Variants in EEF2K observed in about 807,000 individuals in gnomAD.
EEF2K encodes the protein alternative protein EEF2K.
EEF2K carries 70 observed loss-of-function variants against 93.8 expected under a neutral mutation model. That is an observed-to-expected ratio of 0.75 (90% CI 0.62 to 0.91). The LOEUF is 0.91. Ranked by LOEUF, EEF2K falls within the 40% of genes least tolerant of loss-of-function variation. The pLI is 0.00. For synonymous variants in EEF2K, 376 were observed against 380.8 expected, an observed-to-expected ratio of 0.99 and a Z score of 0.15; for missense variants, 935 against 972.9, an observed-to-expected ratio of 0.96 and a Z score of 0.52.
At chr16:22,270,865 G>C (rs1450666522) in intron 15 of EEF2K, among the ~76,000 whole-genome samples, 1 of 151,854 alleles carries the variant, frequency 6.6e-6, no homozygotes, top group African/African-American at 2.4e-5. Context: ...GGTTTGGTTG[G>C]AAGAGAGGAT....
intron 1 of EEF2K, among the ~76,000 whole-genome samples, chr16:22,222,890 T>TAGAG (rs949959648): frequency 6.6e-6 from 1 of 150,704 alleles, no homozygotes; most frequent in African/African-American, 2.5e-5. Flanking sequence ...CTCAGATAGA[T>TAGAG]AGATAGTACA....
At position 22,257,472 on chromosome 16, in the gene EEF2K, T is replaced by G. The variant is rs1339991734; in HGVS notation, c.901+87T>G. 5.1e-6 allele frequency: 8 copies of G among 1,570,218 alleles called. No homozygotes were observed. In the East Asian group the frequency reaches 1.3e-4, roughly 26 times the overall value. On this transcript the variant is annotated intron_variant, in intron 8 of 17. Transcript: ENST00000263026. Reference sequence around the variant, plus strand: ...TCTTCGTACAGCCAAGGAAACAGGCTGAGACACTGTACGCGCTTTTTCAAG... The same window carrying G: ...TCTTCGTACAGCCAAGGAAACAGGCGGAGACACTGTACGCGCTTTTTCAAG...
In EEF2K at chr16:22,285,551, TC is replaced by T. The variant is rs1275761318; in HGVS notation, c.*1558del. The T allele has an allele frequency of 6.6e-6, 1 of 152,172 alleles. No homozygotes were observed. The highest frequency in any genetic ancestry group is 1.5e-5 in the Non-Finnish European group (1 of 68,008). The allele number at this position is 152,172 out of a possible 1,614,324, so 9.4% of individuals were successfully genotyped here. A position where few individuals can be genotyped will look rare whatever the true frequency, so the allele number is the denominator to read the frequency against. ...TAGCAAAGATGCTAGGTGCGGTGGC[TC>T]CCGCCTGTAATCTCAGCACTTTGAG... On this transcript the variant is annotated 3_prime_UTR_variant, in exon 18 of 18. Transcript: ENST00000263026.
chr16:22,260,455 T>C lies in EEF2K; in HGVS notation c.1232-7T>C, dbSNP rs371677101. On this transcript the variant is annotated splice_polypyrimidine_tract_variant and splice_region_variant and intron_variant, in intron 10 of 17. Transcript: ENST00000263026. ...CCAGGACATGATGTCTGTTTCTCCC[T>C]GCCCAGATTGGCCAGTGTTCAGTGA... is the stretch of plus-strand genomic sequence containing the variant. 1.8e-5 allele frequency: 29 copies of C among 1,614,072 alleles called. No homozygotes were observed. The African/African-American group carries it at 3.7e-4, about 21-fold the overall frequency.
intron 15 of EEF2K, among the ~76,000 whole-genome samples, chr16:22,270,123 C>CA (rs920515854): frequency 1.4e-5 from 2 of 144,446 alleles, no homozygotes; most frequent in Non-Finnish European, 3.1e-5. Context: ...AACCCGGCTA[C>CA]TTTTTTTTTT....
intron 2 of EEF2K, among the ~76,000 whole-genome samples, chr16:22,228,619 A>G (rs906104464): frequency 6.6e-6 from 1 of 152,266 alleles, no homozygotes; most frequent in Non-Finnish European, 1.5e-5. Context: ...CACAGAAAGC[A>G]GGCTTGCTTA....
At chr16:22,242,775 A>G (rs1363290363) in intron 2 of EEF2K, among the ~76,000 whole-genome samples, 2 of 152,128 alleles carry the variant, frequency 1.3e-5, no homozygotes, top group Non-Finnish European at 2.9e-5. Context: ...AGATCTTGGA[A>G]CAGCTCATGG....
chr16:22,258,927 G>A (rs770909669), intron 10 of EEF2K: 1 of 480,490 alleles, frequency 2.1e-6, no homozygotes, highest in Non-Finnish European at 3.6e-6. Context: ...TGTGTTTTAT[G>A]AAACCAGCAA....
At chr16:22,232,143 C>A (rs2047122323) in intron 2 of EEF2K, among the ~76,000 whole-genome samples, 1 of 152,088 alleles carries the variant, frequency 6.6e-6, no homozygotes, top group Non-Finnish European at 1.5e-5. Context: ...CTTTTTCACA[C>A]CTCTGCCTTA....
At chr16:22,241,460 C>T (rs1342447760) in intron 2 of EEF2K, among the ~76,000 whole-genome samples, 1 of 151,854 alleles carries the variant, frequency 6.6e-6, no homozygotes, top group Non-Finnish European at 1.5e-5. Flanking sequence ...GCCTGGCCAA[C>T]ATGGTGAAAC....
intron 2 of EEF2K, among the ~76,000 whole-genome samples, chr16:22,232,688 T>A (rs2047127981): frequency 6.6e-6 from 1 of 152,090 alleles, no homozygotes; most frequent in Admixed American, 6.6e-5. Flanking sequence ...CGACCTCCAT[T>A]CCCTTGGTCC....
At chr16:22,251,380 G>A (rs2047350580) in intron 6 of EEF2K, 58 bp downstream of exon 6, 2 of 1,579,992 alleles carry the variant, frequency 1.3e-6, no homozygotes, top group East Asian at 2.3e-5. Context: ...CACAGTGTCT[G>A]GGAAAGAGGG....
chr16:22,241,138 A>T (rs1265598302), intron 2 of EEF2K, among the ~76,000 whole-genome samples: 1 of 152,138 alleles, frequency 6.6e-6, no homozygotes, highest in African/African-American at 2.4e-5. Context: ...GTCTACATCA[A>T]CTGTCAGCTG....
Position 22,280,356 on chromosome 16 carries a change from A to G in EEF2K, c.2048A>G (p.Glu683Gly). Residue 683 changes from glutamate to glycine, a missense_variant, in exon 17 of 18, where the codon GAG becomes GGG. Glu to Gly is a moderately conservative substitution (Grantham distance 98). Transcript: ENST00000263026. ...CTGTTCACAGGAGGCTACGGGCTGG[A>G]GAAGGACCCGCAGAGATCAGGTAGG... ...EMLFTGGYGL[E>G]KDPQRSGDLY... 1 of 1,589,936 alleles carries G rather than the reference A, an allele frequency of 6.3e-7. No individual in the cohort carries two copies. The highest frequency in any genetic ancestry group is 8.6e-7 in the Non-Finnish European group (1 of 1,167,906).
intron 3 of EEF2K, among the ~76,000 whole-genome samples, chr16:22,246,847 G>A (rs2047297649): frequency 6.6e-6 from 1 of 151,456 alleles, no homozygotes; most frequent in African/African-American, 2.4e-5. Context: ...AGACCAGCCT[G>A]GCCAATGTGA....
At chr16:22,226,643 G>A (rs994709753) in intron 2 of EEF2K, among the ~76,000 whole-genome samples, 1 of 151,306 alleles carries the variant, frequency 6.6e-6, no homozygotes, top group Admixed American at 6.6e-5. Context: ...AGCCTCCTGA[G>A]TAGCTAAGAT....
chr16:22,273,892 C>A, intron 16 of EEF2K, 142 bp downstream of exon 16: 1 of 1,247,168 alleles, frequency 8.0e-7, no homozygotes, highest in Non-Finnish European at 1.1e-6. Flanking sequence ...TATTTTACCT[C>A]CCTGGCCTCA....
chr16:22,222,384 T>A (rs754082608), intron 1 of EEF2K, among the ~76,000 whole-genome samples: 8 of 151,754 alleles, frequency 5.3e-5, no homozygotes, highest in Non-Finnish European at 1.0e-4. Context: ...TTTTTGTATT[T>A]TTTTTGTAAA....
intron 2 of EEF2K, 61 bp from the exon 3 acceptor site, chr16:22,244,569 G>T: frequency 6.5e-7 from 1 of 1,541,856 alleles, no homozygotes; most frequent in Non-Finnish European, 9.0e-7. Context: ...AGGAGTCCAC[G>T]CTGTCCCCAA....
Sources: gnomAD v4.1 joint callset for allele counts (sites outside exome capture counted in the v4.1 genomes callset) on GRCh38, gnomAD v4.1.1 for gene constraint, MANE v1.5 for transcripts, NCBI Gene and HGNC (gene_info 2026-07-23, HGNC 2026-07-21) for gene names.